The following KLK7 variants were observed in gnomAD, a reference collection of about 807,000 sequenced individuals.
The protein encoded by KLK7 is kallikrein related peptidase 7, also known as kallikrein-7.
In KLK7, 17 loss-of-function variants were observed where a neutral mutation model predicts 21.0. The ratio of observed to expected loss-of-function variants is 0.81; its 90% CI spans 0.55 to 1.21. KLK7 has a LOEUF of 1.21. KLK7 is among the 50% of genes most tolerant of loss of function. The probability of loss-of-function intolerance (pLI) is 0.00; values close to 1 mark genes in which losing one functional copy is unlikely to be tolerated. For missense variants in KLK7, 330 were observed against 322.8 expected (o/e 1.02, Z -0.17); for synonymous variants, 151 against 134.6 (o/e 1.12, Z -0.85).
intron 4 of KLK7, 105 bp downstream of exon 4, chr19:50,980,135 G>A: frequency 7.4e-7 from 1 of 1,348,824 alleles, no homozygotes; most frequent in Non-Finnish European, 1.0e-6. Context: ...GAGGGGCTGA[G>A]GCCTGGACTC....
At chr19:50,980,524 C>T (rs2122251669) in intron 3 of KLK7, 37 bp from the exon 4 acceptor site, 1 of 1,611,468 alleles carries the variant, frequency 6.2e-7, no homozygotes, top group East Asian at 2.2e-5. Context: ...AGAAGAGACA[C>T]TGTGACAGAG....
At chr19:50,981,947 C>G in intron 2 of KLK7, 33 bp from the exon 3 acceptor site, 1 of 1,608,702 alleles carries the variant, frequency 6.2e-7, no homozygotes, top group Non-Finnish European at 8.5e-7. Flanking sequence ...ACGTGGGTAG[C>G]TAGCATTAGG....
chr19:50,979,796 C>A lies in KLK7; in HGVS notation c.598G>T (p.Ala200Ser), dbSNP rs1159332899. 8 of 1,570,768 alleles carry A rather than the reference C, an allele frequency of 5.1e-6. No homozygotes were observed. The highest frequency in any genetic ancestry group is 6.1e-6 in the Non-Finnish European group (7 of 1,156,896). The change falls in exon 5 of 6, where the codon GCC becomes TCC. Residue 200 changes from alanine (A) to serine (S), a missense_variant. Ala to Ser is a moderately conservative substitution (Grantham distance 99, BLOSUM62 1). Transcript: ENST00000595820. ...CAGIPDSKKN[A>S]CNGDSGGPLV... ...GGGGGGGAGGGTCTCACATTGCAGG[C>A]GTTTTTCTTGGAGTCGGGGATGCCA...
At chr19:50,979,710 A>G in intron 5 of KLK7, 78 bp downstream of exon 5, 2 of 1,442,352 alleles carry the variant, frequency 1.4e-6, no homozygotes, top group Non-Finnish European at 1.9e-6. Flanking sequence ...GTACCCAGTC[A>G]CTCGGGTCAA....
At chr19:50,982,097 G>T in intron 2 of KLK7, 183 bp from the exon 3 acceptor site, 1 of 821,194 alleles carries the variant, frequency 1.2e-6, no homozygotes. Flanking sequence ...CCCAGGAGGC[G>T]CATCTCATCT....
At chr19:50,979,982 G>A in intron 4 of KLK7, 58 bp from the exon 5 acceptor site, 1 of 1,549,294 alleles carries the variant, frequency 6.5e-7, no homozygotes, top group African/African-American at 1.4e-5. Context: ...AGGACCAGAA[G>A]GGCTGTTGTT....
rs1364462625 is a variant in KLK7 at position 50,981,815 on chromosome 19, A to G, written c.173T>C (p.Val58Ala). ...LSGNQLHCGG[V>A]LVNERWVLTA... is the part of the protein sequence containing the mutation. ...GAGCACCCAGCGCTCATTGACCAGG[A>G]CGCCTCCGCAGTGGAGCTGATTGCC... is the stretch of plus-strand genomic sequence containing the variant. The change falls in exon 3 of 6, where the codon GTC (valine) becomes GCC (alanine). Residue 58 changes from valine to alanine, a missense_variant. Physicochemically the swap from Val to Ala is moderately conservative, Grantham distance 64. Transcript: ENST00000595820. 6.9e-6 allele frequency: 11 copies of G among 1,600,424 alleles called. No individual in the cohort carries two copies. The South Asian group carries it at 1.2e-4, about 18-fold the overall frequency.
chr19:50,983,817 C>T, intron 1 of KLK7, 34 bp downstream of exon 1: 1 of 1,289,392 alleles, frequency 7.8e-7, no homozygotes, highest in Non-Finnish European at 1.0e-6. Flanking sequence ...ACCCTCTCCC[C>T]TACAGGTGCA....
rs780356155 is a variant in KLK7 at position 50,982,364 on chromosome 19, T to C, written c.36A>G (p.Leu12=). ...CAGTTTCCAAGGCTAAGGATAGCAG[T>C]AAGATCTGCAGGGGCAGGAGAAGGG... ...ARSLLLPLQI[L]LLSLALETAG... The change falls in exon 2 of 6, where the codon TTA becomes TTG. Residue 12 remains leucine, a synonymous_variant. Transcript: ENST00000595820. 1.9e-6 allele frequency: 3 copies of C among 1,611,262 alleles called. No homozygotes were observed. Among genetic ancestry groups the C allele is most frequent in the Non-Finnish European group, 2.5e-6 (3 of 1,178,886 alleles).
Position 50,981,907 on chromosome 19 carries a change from AC to A in KLK7, c.80del (p.Gly27ValfsTer47). ...ATGGGGCGCCATCAATAATCTTGTC[AC>A]CCTGGGCTGGATGGAGACATGGAGG... Reference protein sequence around the residue: ...ALETAGEEAQGDKIIDGAPCA... With the variant: ...ALETAGEEAQXDKIIDGAPCA... On this transcript the variant is annotated frameshift_variant, in exon 3 of 6. Transcript: ENST00000595820. LOFTEE classifies it high-confidence loss of function. 6.2e-7 allele frequency: 1 copy of A among 1,612,588 alleles called. No homozygotes were observed. The highest frequency in any genetic ancestry group is 1.3e-5 in the African/African-American group (1 of 74,988).
chr19:50,981,801 G>T lies in KLK7; in HGVS notation c.187C>A (p.Arg63Ser), dbSNP rs749663401. 3 of 1,592,000 alleles carry T rather than the reference G, an allele frequency of 1.9e-6. No individual in the cohort carries two copies. The highest frequency in any genetic ancestry group is 2.3e-5 in the South Asian group (2 of 87,324). ...LHCGGVLVNE[R>S]WVLTAAHCKM... is the part of the protein sequence containing the mutation. ...CAGTGGGCGGCAGTGAGCACCCAGC[G>T]CTCATTGACCAGGACGCCTCCGCAG... The change falls in exon 3 of 6, where the codon CGC (arginine) becomes AGC (serine). Residue 63 changes from arginine to serine, a missense_variant. Physicochemically the swap from Arg to Ser is moderately radical, Grantham distance 110. Coordinates refer to ENST00000595820, the MANE Select transcript of KLK7 (RefSeq NM_005046.4).
Position 50,980,240 on chromosome 19 carries a change from C to T in KLK7, c.469G>A (p.Val157Met). Reference protein sequence around the residue: ...SGWGTTTSPDVTFPSDLMCVD... With the variant: ...SGWGTTTSPDMTFPSDLMCVD... ...CTCCTGGGTCACTGAGGCCACCTAC[C>T]ATCTGGGCTCGTGGTAGTGCCCCAG... Residue 157 changes from valine to methionine, a missense_variant and splice_region_variant, in exon 4 of 6, where the codon GTG (valine) becomes ATG (methionine). Coordinates refer to ENST00000595820, the MANE Select transcript of KLK7 (RefSeq NM_005046.4). The T allele has an allele frequency of 6.2e-7, 1 of 1,613,602 alleles. No homozygotes were observed. The highest frequency in any genetic ancestry group is 8.5e-7 in the Non-Finnish European group (1 of 1,179,846).
In KLK7 at chr19:50,980,242, T is replaced by C. The variant is rs368770142; in HGVS notation, c.467A>G (p.Asp156Gly). The C allele has an allele frequency of 5.5e-5, 88 of 1,613,502 alleles. No homozygotes were observed. Among genetic ancestry groups the C allele is most frequent in the Middle Eastern group, 1.6e-4 (1 of 6,082 alleles). ...CCTGGGTCACTGAGGCCACCTACCA[T>C]CTGGGCTCGTGGTAGTGCCCCAGCC... ...VSGWGTTTSP[D>G]VTFPSDLMCV... Residue 156 changes from aspartate (D) to glycine (G), a missense_variant and splice_region_variant, in exon 4 of 6, where the codon GAT becomes GGT. By Grantham distance (94) the Asp-to-Gly change is moderately conservative. Transcript: ENST00000595820.
Position 50,977,524 on chromosome 19 carries a change from C to T in KLK7, c.*12G>A. 6.2e-7 allele frequency: 1 copy of T among 1,612,592 alleles called. No individual in the cohort carries two copies. The highest frequency in any genetic ancestry group is 8.5e-7 in the Non-Finnish European group (1 of 1,178,770). ...CTGTTGGAAGCACACAGTTAATTAA[C>T]TCAGTGTGGCGTTAGCGATGCTTTT... is the stretch of plus-strand genomic sequence containing the variant. On this transcript the variant is annotated 3_prime_UTR_variant, in exon 6 of 6. Coordinates refer to ENST00000595820, the MANE Select transcript of KLK7 (RefSeq NM_005046.4).
chr19:50,980,438 G>A lies in KLK7; in HGVS notation c.271C>T (p.Gln91Ter). ...AATGACTTCGAGGCCTTGATCCTCT[G>A]AGCTCTCCTGTCGCCCAGCGTATCA... ...GSDTLGDRRA[Q>*]RIKASKSFRH... Residue 91 changes from glutamine to a stop codon, truncating the protein, a stop_gained, in exon 4 of 6, where the codon CAG (glutamine) becomes TAG (stop). Transcript: ENST00000595820. LOFTEE classifies it high-confidence loss of function. 6.2e-7 allele frequency: 1 copy of A among 1,613,980 alleles called. No individual in the cohort carries two copies. The highest frequency in any genetic ancestry group is 8.5e-7 in the Non-Finnish European group (1 of 1,179,950).
At chr19:50,981,152 G>T (rs978939220) in intron 3 of KLK7, among the ~76,000 whole-genome samples, 2 of 142,668 alleles carry the variant, frequency 1.4e-5, no homozygotes, top group Non-Finnish European at 3.0e-5. Flanking sequence ...CAGAGACCCA[G>T]AGAGAGAGGG....
At position 50,977,322 on chromosome 19, in the gene KLK7, A is replaced by T; in HGVS notation, c.*214T>A. On this transcript the variant is annotated 3_prime_UTR_variant, in exon 6 of 6. Coordinates refer to ENST00000595820, the MANE Select transcript of KLK7 (RefSeq NM_005046.4). ...TCCAGTGTTTGAGAGTGCTGGTCTCACTGACTCTTCTCCAGCACTGAGGGT... is the reference window on the plus strand; with the variant it reads ...TCCAGTGTTTGAGAGTGCTGGTCTCTCTGACTCTTCTCCAGCACTGAGGGT... 1.8e-6 allele frequency: 1 copy of T among 559,040 alleles called. No individual in the cohort carries two copies. The allele number at this position is 559,040 out of a possible 1,614,324, so 34.6% of individuals were successfully genotyped here. A position where few individuals can be genotyped will look rare whatever the true frequency, so the allele number is the denominator to read the frequency against.
chr19:50,982,000 T>C (rs1159879507), intron 2 of KLK7, 86 bp from the exon 3 acceptor site: 4 of 1,376,250 alleles, frequency 2.9e-6, no homozygotes, highest in Non-Finnish European at 4.0e-6. Context: ...GAGTCAGAGA[T>C]GGACAGAGAC....
chr19:50,981,708 C>T, intron 3 of KLK7, 59 bp downstream of exon 3: 1 of 1,475,294 alleles, frequency 6.8e-7, no homozygotes, highest in African/African-American at 1.4e-5. Flanking sequence ...TGCCCTTCCA[C>T]CCCCATAGCG....
Sources: gnomAD v4.1 joint callset for allele counts (sites outside exome capture counted in the v4.1 genomes callset) on GRCh38, gnomAD v4.1.1 for gene constraint, MANE v1.5 for transcripts, NCBI Gene and HGNC (gene_info 2026-07-23, HGNC 2026-07-21) for gene names.